ECD: variants seen among roughly 807,000 people sequenced by gnomAD.
ECD encodes protein ecdysoneless homolog.
A neutral mutation model predicts 77.2 loss-of-function variants in ECD; 59 were observed. That is an observed-to-expected ratio of 0.76 (90% CI 0.62 to 0.95). The LOEUF (loss-of-function observed/expected upper bound fraction) is 0.95, where lower values mean the gene tolerates loss of function less well. ECD is among the 40% of genes least tolerant of loss of function. The pLI is 0.00. For synonymous variants in ECD, 233 were observed against 267.4 expected, an observed-to-expected ratio of 0.87 and a Z score of 1.26; for missense variants, 704 against 763.4, an observed-to-expected ratio of 0.92 and a Z score of 0.92.
intron 3 of ECD, among the ~76,000 whole-genome samples, chr10:73,158,151 G>A (rs1843324968): frequency 6.6e-6 from 1 of 151,638 alleles, no homozygotes; most frequent in Non-Finnish European, 1.5e-5. Flanking sequence ...AGTAGAGATG[G>A]GGTTTCACCA....
At chr10:73,159,413 G>A (rs907695671) in intron 3 of ECD, among the ~76,000 whole-genome samples, 2 of 152,162 alleles carry the variant, frequency 1.3e-5, no homozygotes, top group Non-Finnish European at 2.9e-5. Flanking sequence ...TTAAAAATAC[G>A]TGAAATATGT....
rs1842951175 is a variant in ECD at position 73,134,122 on chromosome 10, A to C, written c.*461T>G. ...TGCTTCAGGTACATACATACATGCA[A>C]AAATTCACTGACTGTACACTTAAGA... On this transcript the variant is annotated 3_prime_UTR_variant, in exon 14 of 14. Transcript: ENST00000372979. 6.3e-6 allele frequency: 1 copy of C among 157,816 alleles called. No homozygotes were observed. Among genetic ancestry groups the C allele is most frequent in the Admixed American group, 6.0e-5 (1 of 16,646 alleles). The allele number at this position is 157,816 out of a possible 1,614,324, so 9.8% of individuals were successfully genotyped here.
intron 5 of ECD, among the ~76,000 whole-genome samples, chr10:73,155,254 G>GA (rs1843280370): frequency 6.6e-6 from 1 of 151,652 alleles, no homozygotes; most frequent in African/African-American, 2.4e-5. Flanking sequence ...TTTCAGTAGA[G>GA]ACGGGGTTTC....
At chr10:73,151,098 T>G (rs1843195840) in intron 7 of ECD, among the ~76,000 whole-genome samples, 1 of 152,024 alleles carries the variant, frequency 6.6e-6, no homozygotes, top group Non-Finnish European at 1.5e-5. Flanking sequence ...GTGGCACTAT[T>G]CACAATAGCA....
At position 73,156,290 on chromosome 10, in the gene ECD, T is replaced by G; in HGVS notation, c.575A>C (p.Asn192Thr). The part of the protein sequence containing the change: ...LASESIRAAV[N>T]RRIRGYPEKI... ...TTTTTCTTACCCTCTGATGCGCCTA[T>G]TCACAGCAGCTCGTATAGATTCTGA... The change falls in exon 5 of 14, where the codon AAT becomes ACT. Residue 192 changes from asparagine (N) to threonine (T), a missense_variant. Physicochemically the swap from Asn to Thr is moderately conservative, Grantham distance 65. Coordinates refer to ENST00000372979, the MANE Select transcript of ECD (RefSeq NM_007265.3). 1.3e-6 allele frequency: 2 copies of G among 1,599,496 alleles called. No individual in the cohort carries two copies. The highest frequency in any genetic ancestry group is 2.2e-5 in the East Asian group (1 of 44,802).
rs1293061849 is a variant in ECD at position 73,154,529 on chromosome 10, A to G, written c.591-81T>C. 4 of 1,331,474 alleles carry G rather than the reference A, an allele frequency of 3.0e-6. No individual in the cohort carries two copies. The East Asian group carries it at 1.0e-4, about 33-fold the overall frequency. The allele number at this position is 1,331,474 out of a possible 1,614,324, so 82.5% of individuals were successfully genotyped here. A position where few individuals can be genotyped will look rare whatever the true frequency, so the allele number is the denominator to read the frequency against. The stretch of plus-strand genomic sequence containing the variant: ...TTATACCATTCACATTCTTTTTGAC[A>G]TCTCTTTGTTCATCAAGAGCAGTAC... On this transcript the variant is annotated intron_variant, in intron 5 of 13. Coordinates refer to ENST00000372979, the MANE Select transcript of ECD (RefSeq NM_007265.3).
chr10:73,143,989 G>C (rs1244662361), intron 9 of ECD, among the ~76,000 whole-genome samples: 4 of 152,100 alleles, frequency 2.6e-5, no homozygotes, highest in African/African-American at 9.7e-5. Context: ...ATTGGGGGAT[G>C]AGGGAGAAGT....
chr10:73,134,613 G>C lies in ECD; in HGVS notation c.1905C>G (p.His635Gln). The change falls in exon 14 of 14, where the codon CAC becomes CAG. Residue 635 changes from histidine to glutamine, a missense_variant. By Grantham distance (24) the His-to-Gln change is conservative. Transcript: ENST00000372979. ...TTTTTGTTGGCTTACTTGTTGGTCT[G>C]TGATCGGTGTTGTCAGGCAGCTGCA... Reference protein sequence around the residue: ...MGVQLPDNTDHRPTSKPTKN With the variant: ...MGVQLPDNTDQRPTSKPTKN 1 of 1,614,182 alleles carries C rather than the reference G, an allele frequency of 6.2e-7. No individual in the cohort carries two copies. Among genetic ancestry groups the C allele is most frequent in the Non-Finnish European group, 8.5e-7 (1 of 1,180,010 alleles).
At position 73,134,746 on chromosome 10, in the gene ECD, A is replaced by G. The variant is rs772208142; in HGVS notation, c.1772T>C (p.Met591Thr). 30 of 1,614,090 alleles carry G rather than the reference A, an allele frequency of 1.9e-5. No individual in the cohort carries two copies. The highest frequency in any genetic ancestry group is 6.7e-5 in the African/African-American group (5 of 74,926). The change falls in exon 14 of 14, where the codon ATG becomes ACG. Residue 591 changes from methionine (M) to threonine (T), a missense_variant. Met to Thr is a moderately conservative substitution (Grantham distance 81). This residue lies in a region of ECD where 142 missense variants were observed against 163.6 expected (regional missense o/e 0.87). Coordinates refer to ENST00000372979, the MANE Select transcript of ECD (RefSeq NM_007265.3). ...GTTCAGGTCTACATCTACTGGTGCCATAACAGATTCTCCCGTACCAGAATC... is the reference window on the plus strand; with the variant it reads ...GTTCAGGTCTACATCTACTGGTGCCGTAACAGATTCTCCCGTACCAGAATC... ...EEDSGTGESVMAPVDVDLNLV... is the reference protein window; with the variant it reads ...EEDSGTGESVTAPVDVDLNLV...
In ECD at chr10:73,136,732, C is replaced by T. The variant is rs144173337; in HGVS notation, c.1676G>A (p.Ser559Asn). Residue 559 changes from serine to asparagine, a missense_variant, in exon 13 of 14, where the codon AGC (serine) becomes AAC (asparagine). Coordinates refer to ENST00000372979, the MANE Select transcript of ECD (RefSeq NM_007265.3). The part of the protein sequence containing the change: ...MDQELAHTCI[S>N]KSFTTRNQVE... ...TTGGTTCCTAGTGGTGAAACTTTTGCTGATGCAGGTGTGTGCTAGTTCCTG... is the reference window on the plus strand; with the variant it reads ...TTGGTTCCTAGTGGTGAAACTTTTGTTGATGCAGGTGTGTGCTAGTTCCTG... 3.7e-6 allele frequency: 6 copies of T among 1,613,838 alleles called. No homozygotes were observed. Among genetic ancestry groups the T allele is most frequent in the Admixed American group, 3.3e-5 (2 of 60,006 alleles).
At chr10:73,138,966 T>C (rs949720301) in intron 11 of ECD, among the ~76,000 whole-genome samples, 1 of 150,660 alleles carries the variant, frequency 6.6e-6, no homozygotes, top group African/African-American at 2.5e-5. Flanking sequence ...TTTTTCAGTA[T>C]CCAATCTGCT....
At chr10:73,137,855 T>C in intron 12 of ECD, 148 bp downstream of exon 12, 2 of 489,808 alleles carry the variant, frequency 4.1e-6, no homozygotes, top group Non-Finnish European at 3.5e-6. Context: ...AAATTATTCA[T>C]GGGTAGTAAT....
At chr10:73,142,959 C>G (rs1017358404) in intron 9 of ECD, among the ~76,000 whole-genome samples, 1 of 152,096 alleles carries the variant, frequency 6.6e-6, no homozygotes. Flanking sequence ...CCCTCTACCC[C>G]ACACACTGCT....
intron 8 of ECD, among the ~76,000 whole-genome samples, chr10:73,146,705 G>C (rs1843133435): frequency 6.6e-6 from 1 of 152,134 alleles, no homozygotes; most frequent in African/African-American, 2.4e-5. Flanking sequence ...GGGAGGATGA[G>C]ATGGGCAGAC....
At chr10:73,139,827 T>C (rs962315617) in intron 9 of ECD, 90 bp from the exon 10 acceptor site, 1 of 892,606 alleles carries the variant, frequency 1.1e-6, no homozygotes, top group Admixed American at 2.6e-5. Flanking sequence ...TGGAAGGGAT[T>C]AGCTAGTCTA....
chr10:73,164,431 T>C (rs1843424028), intron 1 of ECD, among the ~76,000 whole-genome samples: 1 of 152,064 alleles, frequency 6.6e-6, no homozygotes, highest in Non-Finnish European at 1.5e-5. Context: ...GCCTTAACCA[T>C]ACACCACCTA....
At chr10:73,161,284 GT>G (rs902334303) in intron 2 of ECD, among the ~76,000 whole-genome samples, 2 of 151,704 alleles carry the variant, frequency 1.3e-5, no homozygotes, top group African/African-American at 2.4e-5. Context: ...GCTGAGTTGG[GT>G]TTTTTTTAAA....
At chr10:73,136,576 GA>G in intron 13 of ECD, 127 bp downstream of exon 13, 1 of 858,012 alleles carries the variant, frequency 1.2e-6, no homozygotes, top group South Asian at 1.8e-5. Context: ...CCAGAGTTAG[GA>G]AAACAATTAA....
In ECD at chr10:73,163,808, T is replaced by C. The variant is rs1440313828; in HGVS notation, c.130A>G (p.Thr44Ala). Residue 44 changes from threonine to alanine, a missense_variant, in exon 2 of 14, where the codon ACT becomes GCT. By Grantham distance (58) the Thr-to-Ala change is moderately conservative (BLOSUM62 0). Around this residue, in one of 3 missense-constraint regions of ECD, gnomAD observed 559 missense variants for 583.7 expected, o/e 0.96. Coordinates refer to ENST00000372979, the MANE Select transcript of ECD (RefSeq NM_007265.3). Reference sequence around the variant, plus strand: ...GGGACCAGCATAGGTGCAAACCGAGTGATTATTCTCTCAATGTACTTCTGA... The same window carrying C: ...GGGACCAGCATAGGTGCAAACCGAGCGATTATTCTCTCAATGTACTTCTGA... ...ILQKYIERIITRFAPMLVPYI... is the reference protein window; with the variant it reads ...ILQKYIERIIARFAPMLVPYI... 2.5e-6 allele frequency: 4 copies of C among 1,614,166 alleles called. No individual in the cohort carries two copies. The highest frequency in any genetic ancestry group is 3.4e-6 in the Non-Finnish European group (4 of 1,180,032).
Sources: gnomAD v4.1 joint callset for allele counts (sites outside exome capture counted in the v4.1 genomes callset) on GRCh38, gnomAD v4.1.1 for gene constraint, gnomAD v4.1.1 regional missense constraint, MANE v1.5 for transcripts, NCBI Gene and HGNC (gene_info 2026-07-23, HGNC 2026-07-21) for gene names.